Variants in PDS5B observed in about 807,000 individuals in gnomAD.
PDS5B encodes sister chromatid cohesion protein PDS5 homolog B.
In PDS5B, 51 loss-of-function variants were observed where a neutral mutation model predicts 184.1. The observed-to-expected ratio is 0.28, with a 90% CI of 0.22 to 0.35. PDS5B has a LOEUF of 0.35. Among genes scored for constraint, PDS5B ranks in the 10% least tolerant of loss-of-function variants. PDS5B has a pLI of 1.00. For synonymous variants in PDS5B, 566 were observed against 569.2 expected, an observed-to-expected ratio of 0.99 and a Z score of 0.08; for missense variants, 1,180 against 1,723.3, an observed-to-expected ratio of 0.68 and a Z score of 5.58.
chr13:32,667,922 G>C (rs897060998), intron 7 of PDS5B, 78 bp downstream of exon 7: 2 of 714,444 alleles, frequency 2.8e-6, no homozygotes, highest in African/African-American at 3.7e-5. Flanking sequence ...AATTTCATCA[G>C]ATAGTATATA....
chr13:32,770,017 C>A, intron 31 of PDS5B, 104 bp from the exon 32 acceptor site: 1 of 893,186 alleles, frequency 1.1e-6, no homozygotes, highest in Non-Finnish European at 1.7e-6. Flanking sequence ...ATTTTAGGTA[C>A]ATATCTAGGA....
chr13:32,685,702 G>A (rs1348081122), intron 11 of PDS5B, among the ~76,000 whole-genome samples: 1 of 152,206 alleles, frequency 6.6e-6, no homozygotes, highest in Non-Finnish European at 1.5e-5. Context: ...CTGGAGTGCA[G>A]TGGTGCCATC....
chr13:32,620,112 T>C (rs2058276339), intron 1 of PDS5B, among the ~76,000 whole-genome samples: 1 of 152,176 alleles, frequency 6.6e-6, no homozygotes, highest in African/African-American at 2.4e-5. Context: ...GTTAGATTTT[T>C]AAAATGTATC....
chr13:32,705,903 G>A (rs1951996243), intron 17 of PDS5B, among the ~76,000 whole-genome samples: 1 of 152,122 alleles, frequency 6.6e-6, no homozygotes, highest in Admixed American at 6.5e-5. Flanking sequence ...CTGGCCTCAA[G>A]TGACCCTCCT....
In PDS5B at chr13:32,629,165, A is replaced by G. The variant is rs79134572; in HGVS notation, c.-19-19589A>G. On this transcript the variant is annotated intron_variant, in intron 1 of 34. Transcript: ENST00000315596. ...AGCCAGAGCAGCTCTCTTTTAACCT[A>G]TTTGATATATTGCACATTGTTATAA... Among the ~76,000 whole-genome samples, 380 of 152,178 alleles carry G rather than the reference A, an allele frequency of 2.5e-3. 2 individuals are homozygous for G. Among genetic ancestry groups the G allele is most frequent in the African/African-American group, 8.6e-3 (359 of 41,514 alleles).
At chr13:32,642,705 C>A (rs1360018307) in intron 1 of PDS5B, among the ~76,000 whole-genome samples, 1 of 152,016 alleles carries the variant, frequency 6.6e-6, no homozygotes, top group Non-Finnish European at 1.5e-5. Flanking sequence ...TCCACCTTTT[C>A]CTTCAGTCAT....
intron 1 of PDS5B, among the ~76,000 whole-genome samples, chr13:32,595,863 T>C (rs142047869): frequency 5.9e-5 from 9 of 152,312 alleles, no homozygotes; most frequent in African/African-American, 2.2e-4. Flanking sequence ...TCCAGCACTT[T>C]AGGAGGCCGA....
At chr13:32,717,627 C>T (rs1335930953) in intron 19 of PDS5B, among the ~76,000 whole-genome samples, 1 of 138,546 alleles carries the variant, frequency 7.2e-6, no homozygotes, top group African/African-American at 2.7e-5. Context: ...ACCTTCCCTC[C>T]ACTATTGTCC....
intron 27 of PDS5B, 53 bp downstream of exon 27, chr13:32,758,272 G>T: frequency 1.5e-6 from 2 of 1,361,518 alleles, no homozygotes; most frequent in Non-Finnish European, 2.0e-6. Context: ...AAAAATTTAG[G>T]TGTAAAGTAT....
At chr13:32,738,950 G>T in intron 21 of PDS5B, among the ~76,000 whole-genome samples, 1 of 152,110 alleles carries the variant, frequency 6.6e-6, no homozygotes, top group Non-Finnish European at 1.5e-5. Context: ...GGGATTACAG[G>T]CATGAGCCAC....
At chr13:32,637,098 T>C (rs1327402915) in intron 1 of PDS5B, among the ~76,000 whole-genome samples, 1 of 152,228 alleles carries the variant, frequency 6.6e-6, no homozygotes, top group African/African-American at 2.4e-5. Context: ...TGAGAACCTA[T>C]TTAAGAATTC....
At chr13:32,599,437 C>T (rs1203169930) in intron 1 of PDS5B, among the ~76,000 whole-genome samples, 4 of 150,934 alleles carry the variant, frequency 2.7e-5, no homozygotes, top group Admixed American at 1.3e-4. Flanking sequence ...GCTAATTTTT[C>T]GTATTTTTAG....
rs116442801 is a variant in PDS5B at position 32,741,208 on chromosome 13, G to T, written c.2475+60G>T. On this transcript the variant is annotated intron_variant, in intron 22 of 34. Coordinates refer to ENST00000315596, the MANE Select transcript of PDS5B (RefSeq NM_015032.4). ...TAATCACCACATTGTAATATTTGAG[G>T]TATTAAAATTTCTATTTCTATTGGA... The T allele has an allele frequency of 5.8e-4, 533 of 918,010 alleles. 2 individuals are homozygous for T. In the African/African-American group the frequency reaches 8.2e-3, roughly 14 times the overall value. The allele number at this position is 918,010 out of a possible 1,614,324, so 56.9% of individuals were successfully genotyped here.
chr13:32,726,524 A>G (rs563888339), intron 19 of PDS5B, among the ~76,000 whole-genome samples: 8 of 152,330 alleles, frequency 5.3e-5, no homozygotes, highest in African/African-American at 1.9e-4. Flanking sequence ...TAATGGTTAC[A>G]CCACTTTGCA....
Position 32,665,588 on chromosome 13 carries a change from C to CAAAAAA in PDS5B, c.625-2155_625-2150dup, listed in dbSNP as rs34604938. ...TGGGCGACAGAGCGAGACTCCGACT[C>CAAAAAA]AAAAAAAAAAAAAAAAAAAAAAAAA... On this transcript the variant is annotated intron_variant, in intron 6 of 34. Coordinates refer to ENST00000315596, the MANE Select transcript of PDS5B (RefSeq NM_015032.4). Among the ~76,000 whole-genome samples the CAAAAAA allele has an allele frequency of 8.4e-3, 217 of 25,854 alleles. 9 individuals carry two copies. Among genetic ancestry groups the CAAAAAA allele is most frequent in the African/African-American group, 0.014 (84 of 5,976 alleles). 17.0% of individuals were successfully genotyped at this position (25,854 alleles called of 152,430 possible).
intron 8 of PDS5B, 110 bp from the exon 9 acceptor site, chr13:32,675,734 A>G (rs1243345857): frequency 5.1e-6 from 3 of 592,324 alleles, no homozygotes; most frequent in Non-Finnish European, 9.1e-6. Context: ...AGAGTTCATG[A>G]AAGATTTTCT....
chr13:32,698,550 TA>T (rs1451838133), intron 15 of PDS5B, among the ~76,000 whole-genome samples: 1 of 152,192 alleles, frequency 6.6e-6, no homozygotes, highest in South Asian at 2.1e-4. Flanking sequence ...TTTTTTCTAT[TA>T]CAGAAACAGG....
chr13:32,667,629 T>C, intron 6 of PDS5B, 135 bp from the exon 7 acceptor site: 1 of 572,638 alleles, frequency 1.7e-6, no homozygotes, highest in Non-Finnish European at 3.0e-6. Context: ...AGAAAAGTGG[T>C]TTTGCCTTCT....
intron 1 of PDS5B, among the ~76,000 whole-genome samples, chr13:32,592,172 G>C (rs572303812): frequency 6.6e-6 from 1 of 152,204 alleles, no homozygotes; most frequent in African/African-American, 2.4e-5. Flanking sequence ...ACTGTCATTT[G>C]GTTTTCTCCT....
Sources: gnomAD v4.1 joint callset for allele counts (sites outside exome capture counted in the v4.1 genomes callset) on GRCh38, gnomAD v4.1.1 for gene constraint, MANE v1.5 for transcripts, NCBI Gene and HGNC (gene_info 2026-07-23, HGNC 2026-07-21) for gene names.